PLEC: variants seen among roughly 807,000 people sequenced by gnomAD.
PLEC encodes the protein hemidesmosomal protein 1.
A neutral mutation model predicts 392.8 loss-of-function variants in PLEC; 216 were observed. The observed-to-expected ratio is 0.55, with a 90% CI of 0.49 to 0.62. PLEC has a LOEUF of 0.62. PLEC is among the 20% of genes least tolerant of loss of function. PLEC has a pLI of 0.00. For missense variants in PLEC, 6,863 were observed against 6,563.4 expected (o/e 1.05, Z -1.58); for synonymous variants, 3,621 against 2,980.6 (o/e 1.21, Z -7.00).
upstream of PLEC, chr8:143,943,631 C>CTAG: frequency 1.4e-6 from 1 of 736,936 alleles, no homozygotes; most frequent in South Asian, 1.6e-5. Context: ...TCAGGGTCTA[C>CTAG]ACTGCAGGGT....
chr8:143,925,347 C>A lies in PLEC; in HGVS notation c.4582G>T (p.Ala1528Ser), dbSNP rs781822601. The change falls in exon 31 of 32, where the codon GCG becomes TCG. Residue 1528 changes from alanine to serine, a missense_variant. Ala to Ser is a moderately conservative substitution (Grantham distance 99, BLOSUM62 1). Transcript: ENST00000345136. ...TGCAGGGCCCGCTGCTTCTCGCGCG[C>A]CGCCTCGGCCTCGGCCTTCACGCGC... Reference protein sequence around the residue: ...ASRVKAEAEAAREKQRALQAL... With the variant: ...ASRVKAEAEASREKQRALQAL... The A allele has an allele frequency of 1.3e-5, 20 of 1,551,162 alleles. No individual in the cohort carries two copies. Among genetic ancestry groups the A allele is most frequent in the Non-Finnish European group, 1.6e-5 (19 of 1,156,194 alleles).
intron 5 of PLEC, 91 bp from the exon 6 acceptor site, chr8:143,936,105 C>T (rs1828984192): frequency 6.8e-7 from 1 of 1,464,536 alleles, no homozygotes; most frequent in Non-Finnish European, 9.4e-7. Flanking sequence ...AGGGGTAGCT[C>T]AGCACCCAGG....
Position 143,969,262 on chromosome 8 carries a change from T to C in PLEC, c.70+4141A>G, listed in dbSNP as rs1033222706. Among the ~76,000 whole-genome samples the C allele has an allele frequency of 6.6e-6, 1 of 152,204 alleles. No homozygotes were observed. Among genetic ancestry groups the C allele is most frequent in the Admixed American group, 6.5e-5 (1 of 15,286 alleles). On this transcript the variant is annotated intron_variant, in intron 1 of 31. Coordinates refer to the PLEC transcript ENST00000356346. This position sits in a 1 kb window ranked among gnomAD's most constrained non-coding sequence, Gnocchi z 5.1. Reference sequence around the variant, plus strand: ...TCGAAGAGGCCAGACCCAGGGCCAGTACAGGCCAATCCATAACCATTCCTG... The same window carrying C: ...TCGAAGAGGCCAGACCCAGGGCCAGCACAGGCCAATCCATAACCATTCCTG...
intron 2 of PLEC, 63 bp from the exon 3 acceptor site, chr8:143,938,303 C>T: frequency 1.3e-6 from 2 of 1,539,282 alleles, no homozygotes; most frequent in African/African-American, 1.4e-5. Context: ...CCCTGAGTGG[C>T]TGATCTACAG....
At chr8:143,960,963 A>G (rs1242846610) in intron 1 of PLEC, among the ~76,000 whole-genome samples, 2 of 152,098 alleles carry the variant, frequency 1.3e-5, no homozygotes, top group Non-Finnish European at 2.9e-5. Flanking sequence ...CCCGCTCTGC[A>G]CGGGGACCGT....
chr8:143,952,501 C>G (rs900672340), upstream of PLEC, among the ~76,000 whole-genome samples: 5 of 152,158 alleles, frequency 3.3e-5, no homozygotes, highest in African/African-American at 1.2e-4. Flanking sequence ...TGGGTCCAAG[C>G]CTGCCCAGCC....
chr8:143,956,293 T>C (rs1373433260), upstream of PLEC, among the ~76,000 whole-genome samples: 3 of 152,114 alleles, frequency 2.0e-5, no homozygotes, highest in Non-Finnish European at 4.4e-5. Flanking sequence ...TGGAATGTTA[T>C]AAGATTGGCC....
At position 143,930,052 on chromosome 8, in the gene PLEC, G is replaced by A. The variant is rs782643774; in HGVS notation, c.2623C>T (p.Gln875Ter). The A allele has an allele frequency of 1.9e-6, 3 of 1,611,148 alleles. No homozygotes were observed. The highest frequency in any genetic ancestry group is 2.5e-6 in the Non-Finnish European group (3 of 1,179,784). The change falls in exon 22 of 32, where the codon CAG (glutamine) becomes TAG (stop). Residue 875 changes from glutamine to a stop codon, truncating the protein, a stop_gained. Transcript: ENST00000345136. LOFTEE classifies it high-confidence loss of function. ...AQEAVTRLEA[Q>*]HQALVTLWHQ... ...CACAGCGTGACCAGGGCCTGGTGCT[G>A]GGCCTCCAGCCTGGCAGGTCAGGGC...
chr8:143,934,167 C>A, intron 11 of PLEC, 76 bp from the exon 12 acceptor site: 1 of 1,588,314 alleles, frequency 6.3e-7, no homozygotes, highest in South Asian at 1.1e-5. Flanking sequence ...CAGCTCGCCT[C>A]CCGCTCCGGT....
At chr8:143,932,610 C>G (rs547699314) in intron 15 of PLEC, 25 bp downstream of exon 15, 1 of 1,611,840 alleles carries the variant, frequency 6.2e-7, no homozygotes, top group South Asian at 1.1e-5. Context: ...ACCCACCTCC[C>G]CCGGCTGGCC....
upstream of PLEC, chr8:143,939,654 G>T: frequency 7.0e-7 from 1 of 1,420,032 alleles, no homozygotes; most frequent in Non-Finnish European, 9.2e-7. Context: ...GCCCGCCCCC[G>T]AGGCCCCACC....
At chr8:143,942,241 A>C, upstream of PLEC, 1 of 616,996 alleles carries the variant, frequency 1.6e-6, no homozygotes, top group Non-Finnish European at 2.4e-6. Flanking sequence ...CTTCCTCCCC[A>C]GGTGTTTCCG....
At chr8:143,933,879 T>C in intron 12 of PLEC, 119 bp downstream of exon 12, 3 of 809,284 alleles carry the variant, frequency 3.7e-6, no homozygotes, top group South Asian at 1.5e-5. Flanking sequence ...GCCCCGCCCC[T>C]GCCCCTGCCC....
At chr8:143,928,143 CAGG>C (rs1456302564) in intron 25 of PLEC, 151 bp from the exon 26 acceptor site, 26 of 937,580 alleles carry the variant, frequency 2.8e-5, no homozygotes, top group Non-Finnish European at 3.6e-5. Context: ...AGGCTTGCTT[CAGG>C]AGAAGAACAG....
At chr8:143,946,376 A>C (rs1831476792) in intron 1 of PLEC, 1 of 1,288,734 alleles carries the variant, frequency 7.8e-7, no homozygotes. Flanking sequence ...CAGCTCCTCC[A>C]TGCTGTACCT....
rs1554687687 is a variant in PLEC at position 143,921,929 on chromosome 8, T to C, written c.7892A>G (p.Asp2631Gly). The C allele has an allele frequency of 3.1e-6, 5 of 1,599,446 alleles. No homozygotes were observed. The African/African-American group carries it at 4.0e-5, about 13-fold the overall frequency. The change falls in exon 32 of 32, where the codon GAT becomes GGT. Residue 2631 changes from aspartate (D) to glycine (G), a missense_variant. By Grantham distance (94) the Asp-to-Gly change is moderately conservative (BLOSUM62 -1). Coordinates refer to ENST00000345136, the MANE Select transcript of PLEC (RefSeq NM_201384.3). ...CTCTGCCGCGGGGCCATCAAGTGCA[T>C]CCCGGCCATTGGGCAGGGTCTTTGT... ...AATKTLPNGRDALDGPAAEAE... is the reference protein window; with the variant it reads ...AATKTLPNGRGALDGPAAEAE...
Position 143,915,388 on chromosome 8 carries a change from G to C in PLEC, c.*789C>G, listed in dbSNP as rs528453800. On this transcript the variant is annotated 3_prime_UTR_variant, in exon 32 of 32. Coordinates refer to ENST00000345136, the MANE Select transcript of PLEC (RefSeq NM_201384.3). ...CTGGCTGGTGTCCCTGGGCCCAAAG[G>C]GGGCTGGGGCTCCATGGGAGAGAGA... 3.6e-4 allele frequency: 55 copies of C among 152,746 alleles called. No individual in the cohort carries two copies. Among genetic ancestry groups the C allele is most frequent in the Non-Finnish European group, 6.6e-4 (45 of 68,326 alleles). 9.5% of individuals were successfully genotyped at this position (152,746 alleles called of 1,614,324 possible).
chr8:143,963,040 G>T (rs1257616138), intron 1 of PLEC, among the ~76,000 whole-genome samples: 1 of 152,158 alleles, frequency 6.6e-6, no homozygotes, highest in African/African-American at 2.4e-5. Context: ...CATCTCAACA[G>T]AAGCCAGGAA....
At position 143,920,343 on chromosome 8, in the gene PLEC, G is replaced by C. The variant is rs1554681458; in HGVS notation, c.9478C>G (p.Arg3160Gly). ...HRVPLDVACA[R>G]GCLDEETSRA... ...CTGGTCTCCTCATCCAGGCAGCCTC[G>C]GGCGCAGGCGACATCCAGGGGCACG... is the stretch of plus-strand genomic sequence containing the variant. Residue 3160 changes from arginine to glycine, a missense_variant, in exon 32 of 32, where the codon CGA becomes GGA. Coordinates refer to ENST00000345136, the MANE Select transcript of PLEC (RefSeq NM_201384.3). 6.3e-7 allele frequency: 1 copy of C among 1,593,818 alleles called. No individual in the cohort carries two copies. Among genetic ancestry groups the C allele is most frequent in the Non-Finnish European group, 8.5e-7 (1 of 1,175,404 alleles).
Sources: allele counts gnomAD v4.1 joint callset (sites outside exome capture counted in the v4.1 genomes callset), GRCh38; gene constraint gnomAD v4.1.1; non-coding constraint Gnocchi (gnomAD v3.1); transcripts MANE v1.5; gene names NCBI Gene and HGNC (gene_info 2026-07-23, HGNC 2026-07-21).